The following PI4K2A variants were observed in gnomAD, a reference collection of about 807,000 sequenced individuals.
PI4K2A encodes the protein phosphatidylinositol 4-kinase type 2-alpha.
Under a neutral mutation model 55.0 loss-of-function variants are expected in PI4K2A, and 20 were observed. The observed-to-expected ratio is 0.36, with a 90% CI of 0.26 to 0.53. The LOEUF (loss-of-function observed/expected upper bound fraction) is 0.53, where lower values mean the gene tolerates loss of function less well. PI4K2A is among the 20% of genes least tolerant of loss of function. PI4K2A has a pLI of 0.91. For missense variants in PI4K2A, 463 were observed against 637.1 expected, an observed-to-expected ratio of 0.73 and a Z score of 2.94; for synonymous variants, 235 against 258.5, an observed-to-expected ratio of 0.91 and a Z score of 0.87.
chr10:97,648,175 C>A (rs1037005701), intron 1 of PI4K2A, among the ~76,000 whole-genome samples: 1 of 150,610 alleles, frequency 6.6e-6, no homozygotes, highest in African/African-American at 2.4e-5. Flanking sequence ...CTCACTGCGA[C>A]CTCCACCTCC....
chr10:97,654,835 TA>T (rs1386269596), intron 2 of PI4K2A, among the ~76,000 whole-genome samples: 1 of 152,064 alleles, frequency 6.6e-6, no homozygotes, highest in African/African-American at 2.4e-5. Context: ...TGATGGCTCA[TA>T]AAAATTTTTT....
chr10:97,650,095 C>CA (rs1431241079), intron 1 of PI4K2A, among the ~76,000 whole-genome samples: 1 of 151,578 alleles, frequency 6.6e-6, no homozygotes, highest in African/African-American at 2.4e-5. Flanking sequence ...GGGGTGCATG[C>CA]AAAAAAAGAG....
rs2041592158 is a variant in PI4K2A at position 97,662,826 on chromosome 10, T to C, written c.923-81T>C. 42 of 832,574 alleles carry C rather than the reference T, an allele frequency of 5.0e-5. 1 individual carries two copies. In the South Asian group the frequency reaches 5.4e-4, roughly 11 times the overall value. The allele number at this position is 832,574 out of a possible 1,614,324, so 51.6% of individuals were successfully genotyped here. ...TTCTCAGTAGAAGCGTTAGTCCGAG[T>C]GTCCAGAATACCTAGTCCACCATTA... On this transcript the variant is annotated intron_variant, in intron 4 of 8. Coordinates refer to ENST00000370631, the Ensembl canonical transcript of PI4K2A.
chr10:97,675,512 AC>A (rs2041659579), exon 9 of PI4K2A: 1 of 152,574 alleles, frequency 6.6e-6, no homozygotes, highest in South Asian at 2.1e-4. Flanking sequence ...TTGCCCCTTG[AC>A]TGTAGGAGCC....
chr10:97,652,627 A>G (rs2041534929), intron 2 of PI4K2A, among the ~76,000 whole-genome samples: 2 of 152,162 alleles, frequency 1.3e-5, no homozygotes, highest in Admixed American at 6.5e-5. Flanking sequence ...AGGTTTAGAT[A>G]GCAGATTCTA....
chr10:97,651,392 G>C (rs1358267463), intron 2 of PI4K2A, among the ~76,000 whole-genome samples: 1 of 152,230 alleles, frequency 6.6e-6, no homozygotes, highest in Non-Finnish European at 1.5e-5. Context: ...TCTACTGCAT[G>C]TTTATGGCTC....
chr10:97,648,714 G>T (rs969032697), intron 1 of PI4K2A, among the ~76,000 whole-genome samples: 2 of 152,132 alleles, frequency 1.3e-5, no homozygotes, highest in Non-Finnish European at 2.9e-5. Context: ...AGGGTCCGGA[G>T]GGTTACAGTG....
chr10:97,672,279 G>T lies in PI4K2A; in HGVS notation c.1279-1302G>T, dbSNP rs180738507. ...GCTGGACTTGAACTCCTGACCTCGT[G>T]ATCTGCCCACCTCGGCCTCCCAAAG... is the stretch of plus-strand genomic sequence containing the variant. On this transcript the variant is annotated intron_variant, in intron 8 of 8. Transcript: ENST00000370631. Among the ~76,000 whole-genome samples the T allele has an allele frequency of 1.3e-3, 191 of 152,046 alleles. 1 individual carries two copies. Among genetic ancestry groups the T allele is most frequent in the African/African-American group, 4.5e-3 (185 of 41,468 alleles).
At chr10:97,668,512 A>G (rs1306630782) in intron 8 of PI4K2A, among the ~76,000 whole-genome samples, 2 of 152,192 alleles carry the variant, frequency 1.3e-5, no homozygotes, top group Non-Finnish European at 2.9e-5. Context: ...TGGGAGGTCT[A>G]GGATGCAGTG....
At chr10:97,642,766 G>GAGGTTTAA (rs1216183004) in intron 1 of PI4K2A, among the ~76,000 whole-genome samples, 1 of 151,952 alleles carries the variant, frequency 6.6e-6, no homozygotes, top group East Asian at 1.9e-4. Context: ...TGAGTGCCCT[G>GAGGTTTAA]AGGTTTAAAT....
At chr10:97,671,661 ATG>A (rs1459429764) in intron 8 of PI4K2A, among the ~76,000 whole-genome samples, 1 of 152,076 alleles carries the variant, frequency 6.6e-6, no homozygotes, top group Non-Finnish European at 1.5e-5. Context: ...TTTTTTTGAG[ATG>A]GAGTCTTGCT....
intron 1 of PI4K2A, among the ~76,000 whole-genome samples, chr10:97,648,914 AGTTT>A (rs1244774711): frequency 6.6e-6 from 1 of 152,228 alleles, no homozygotes; most frequent in Non-Finnish European, 1.5e-5. Context: ...TAAATAAGTT[AGTTT>A]GTCTTTAAGA....
intron 8 of PI4K2A, among the ~76,000 whole-genome samples, chr10:97,672,634 A>G (rs1017903258): frequency 2.6e-5 from 4 of 152,062 alleles, no homozygotes; most frequent in African/African-American, 9.7e-5. Context: ...CACTGTTATA[A>G]ACAATATTAC....
At chr10:97,640,777 G>T (rs776853912) in exon 1 of PI4K2A, 3 of 1,504,986 alleles carry the variant, frequency 2.0e-6, no homozygotes, top group Admixed American at 4.3e-5. Context: ...TCCCCCGAGC[G>T]GGCCCAACCC....
chr10:97,641,557 CTT>C (rs1322277908), intron 1 of PI4K2A, among the ~76,000 whole-genome samples: 1 of 152,258 alleles, frequency 6.6e-6, no homozygotes, highest in Middle Eastern at 3.4e-3. Context: ...CCTGTTCTCT[CTT>C]TTTGGACCGA....
chr10:97,673,065 C>A (rs2041644603), intron 8 of PI4K2A, among the ~76,000 whole-genome samples: 1 of 151,900 alleles, frequency 6.6e-6, no homozygotes, highest in Admixed American at 6.6e-5. Context: ...CGGCTCACTG[C>A]AACCTCCGCC....
chr10:97,654,068 CATT>C (rs1292878833), intron 2 of PI4K2A, among the ~76,000 whole-genome samples: 3 of 152,224 alleles, frequency 2.0e-5, no homozygotes, highest in Non-Finnish European at 2.9e-5. Context: ...GAGCATCTGT[CATT>C]ATAGAAACAA....
intron 4 of PI4K2A, among the ~76,000 whole-genome samples, chr10:97,660,001 TC>T (rs1244484305): frequency 6.6e-6 from 1 of 150,436 alleles, no homozygotes; most frequent in Non-Finnish European, 1.5e-5. Context: ...TTCTTTCTTT[TC>T]TTTTTTTTTT....
rs2041663200 is a variant in PI4K2A, at chr10:97,676,094, G to A, written c.*2352G>A. The A allele has an allele frequency of 2.6e-5, 4 of 152,468 alleles. No individual in the cohort carries two copies. In the South Asian group the frequency reaches 8.3e-4, roughly 32 times the overall value. 9.4% of individuals were successfully genotyped at this position (152,468 alleles called of 1,614,324 possible). ...CTTTGGGGGAAGGAAGACAAAGAAG[G>A]TAGGAACGGAATTTTGAGGGCAAAG... On this transcript the variant is annotated 3_prime_UTR_variant, in exon 9 of 9. Transcript: ENST00000370631.
Sources: gnomAD v4.1 joint callset for allele counts (sites outside exome capture counted in the v4.1 genomes callset) on GRCh38, gnomAD v4.1.1 for gene constraint, MANE v1.5 for transcripts, NCBI Gene and HGNC (gene_info 2026-07-23, HGNC 2026-07-21) for gene names.